The following ZNF215 variants were observed in gnomAD, a reference collection of about 807,000 sequenced individuals.
ZNF215 encodes the protein BWSCR2-associated zinc finger protein 2.
A neutral mutation model predicts 27.2 loss-of-function variants in ZNF215; 24 were observed. The ratio of observed to expected loss-of-function variants is 0.88; its 90% CI spans 0.64 to 1.24. The LOEUF (loss-of-function observed/expected upper bound fraction) is 1.24, where lower values mean the gene tolerates loss of function less well. Among genes scored for constraint, ZNF215 ranks in the 50% most tolerant of loss-of-function variants. ZNF215 has a pLI of 0.00. For missense variants in ZNF215, 675 were observed against 605.7 expected (o/e 1.11, Z -1.20); for synonymous variants, 210 against 204.0 (o/e 1.03, Z -0.25).
At chr11:6,962,149 G>GT (rs11299474), downstream of ZNF215, among the ~76,000 whole-genome samples, 371 of 151,734 alleles carry the variant, frequency 2.4e-3, 2 homozygotes, top group African/African-American at 7.9e-3. Flanking sequence ...AGTAATAAGG[G>GT]TTTTTTTTTG....
downstream of ZNF215, among the ~76,000 whole-genome samples, chr11:6,990,356 T>A (rs935359072): frequency 3.3e-5 from 5 of 152,186 alleles, no homozygotes; most frequent in South Asian, 4.1e-4. Context: ...AAAAACCTCA[T>A]CTGTTAAAGT....
Position 6,943,415 on chromosome 11 carries a change from T to C in ZNF215, c.617-131T>C. ...ATTGAGCCAGAGATACACAAGTCTA[T>C]GGTGCTCTTCTGGCCTTACCCTTCA... On this transcript the variant is annotated intron_variant, in intron 5 of 6. Transcript: ENST00000278319. 5.4e-6 allele frequency: 6 copies of C among 1,102,830 alleles called. No individual in the cohort carries two copies. The South Asian group carries it at 9.5e-5, about 17-fold the overall frequency. 68.3% of individuals were successfully genotyped at this position (1,102,830 alleles called of 1,614,324 possible).
At position 6,957,797 on chromosome 11, in the gene ZNF215, T is replaced by C; in HGVS notation, c.*1266T>C. The C allele has an allele frequency of 1.0e-6, 1 of 985,434 alleles. No homozygotes were observed. The highest frequency in any genetic ancestry group is 1.2e-6 in the Non-Finnish European group (1 of 829,926). 61.0% of individuals were successfully genotyped at this position (985,434 alleles called of 1,614,324 possible). On this transcript the variant is annotated 3_prime_UTR_variant, in exon 7 of 7. Coordinates refer to ENST00000278319, the MANE Select transcript of ZNF215 (RefSeq NM_013250.4). ...CGTCCATAGCCTTAGGTATATCATT[T>C]ATACCAGACATTATGAAGTTATTAA...
chr11:6,966,224 G>A (rs1434504256), intron 5 of ZNF215, among the ~76,000 whole-genome samples: 1 of 152,110 alleles, frequency 6.6e-6, no homozygotes, highest in Non-Finnish European at 1.5e-5. Flanking sequence ...GGATGGAGCT[G>A]GAGGCCATAA....
At chr11:6,934,698 T>A (rs1245514655) in intron 3 of ZNF215, among the ~76,000 whole-genome samples, 1 of 152,230 alleles carries the variant, frequency 6.6e-6, no homozygotes, top group Non-Finnish European at 1.5e-5. Flanking sequence ...CTTTTCAGGA[T>A]TCATGTAATT....
intron 3 of ZNF215, among the ~76,000 whole-genome samples, chr11:6,934,492 C>A (rs1849369620): frequency 6.6e-6 from 1 of 152,160 alleles, no homozygotes; most frequent in Admixed American, 6.5e-5. Flanking sequence ...ACGGGTCTCC[C>A]TCAGCTAAAA....
At chr11:6,950,242 A>G (rs1850000078) in intron 6 of ZNF215, among the ~76,000 whole-genome samples, 1 of 145,240 alleles carries the variant, frequency 6.9e-6, no homozygotes, top group South Asian at 2.1e-4. Context: ...TATGAACTTT[A>G]AAGTAGTTTT....
rs1849718089 is a variant in ZNF215 at position 6,943,767 on chromosome 11, G to T, written c.712+126G>T. ...ATAGCAAAACCTAAACTTTGAGGGG[G>T]AAAAGACATTATTCGCTTTTGTTCA... On this transcript the variant is annotated intron_variant, in intron 6 of 6. Coordinates refer to ENST00000278319, the MANE Select transcript of ZNF215 (RefSeq NM_013250.4). The T allele has an allele frequency of 7.2e-5, 55 of 764,208 alleles. 1 individual carries two copies. The South Asian group carries it at 9.5e-4, about 13-fold the overall frequency. The allele number at this position is 764,208 out of a possible 1,614,324, so 47.3% of individuals were successfully genotyped here. A position where few individuals can be genotyped will look rare whatever the true frequency, so the allele number is the denominator to read the frequency against.
chr11:6,953,095 A>G (rs6578812), intron 6 of ZNF215, among the ~76,000 whole-genome samples: 120,471 of 151,800 alleles, frequency 0.79, 47,849 homozygotes, highest in South Asian at 0.92. Context: ...AGTTTCTGCC[A>G]AGAGATCCGC....
chr11:6,988,812 A>C (rs989189935), downstream of ZNF215: 9 of 152,160 alleles, frequency 5.9e-5, no homozygotes, highest in African/African-American at 2.2e-4. Context: ...ATAACCAAAT[A>C]AATATAATAC....
At position 6,974,132 on chromosome 11, in the gene ZNF215, C is replaced by A. The variant is rs1457217738; in HGVS notation, c.806-9997C>A. 2.0e-5 allele frequency among the ~76,000 whole-genome samples: 3 copies of A among 152,090 alleles called. No individual in the cohort carries two copies. The East Asian group carries it at 5.8e-4, about 29-fold the overall frequency. On this transcript the variant is annotated intron_variant, in intron 5 of 5. Transcript: ENST00000529903. ...ACATATGGCTAGCCAGTTTTCCCAG[C>A]ACCATTTCTTAAATAGGGAATCCTT...
chr11:6,955,619 T>C (rs1564963779), intron 6 of ZNF215, 71 bp from the exon 7 acceptor site: 5 of 1,503,940 alleles, frequency 3.3e-6, no homozygotes, highest in African/African-American at 2.8e-5. Flanking sequence ...ATATACCTTA[T>C]ACAGTTCAGC....
chr11:6,977,683 G>C (rs145596367), intron 5 of ZNF215, among the ~76,000 whole-genome samples: 1 of 152,024 alleles, frequency 6.6e-6, no homozygotes, highest in African/African-American at 2.4e-5. Flanking sequence ...AACCAAACCT[G>C]CTGACACCTG....
rs1414716838 is a variant in ZNF215, at chr11:6,932,543, T to C, written c.271T>C (p.Leu91=). ...TACAAAGAAGCAGATTATAGAACTG[T>C]TGGTGCTGGAACAATTCCTGGCAAT... is the stretch of plus-strand genomic sequence containing the variant. ...IHTKKQIIEL[L]VLEQFLAILP... The change falls in exon 3 of 7, where the codon TTG becomes CTG. Residue 91 remains leucine (L), a synonymous_variant. Coordinates refer to ENST00000278319, the MANE Select transcript of ZNF215 (RefSeq NM_013250.4). The C allele has an allele frequency of 1.9e-6, 3 of 1,614,188 alleles. No individual in the cohort carries two copies. The East Asian group carries it at 6.7e-5, about 36-fold the overall frequency.
At chr11:6,953,286 T>G (rs1025075553) in intron 6 of ZNF215, among the ~76,000 whole-genome samples, 28 of 152,234 alleles carry the variant, frequency 1.8e-4, no homozygotes, top group Non-Finnish European at 7.3e-5. Context: ...TGGCCTGCCT[T>G]GCTAGATTGG....
intron 6 of ZNF215, among the ~76,000 whole-genome samples, chr11:6,946,666 G>GT (rs929839943): frequency 6.6e-6 from 1 of 151,914 alleles, no homozygotes; most frequent in Non-Finnish European, 1.5e-5. Flanking sequence ...TCCTAACTTG[G>GT]TTTTTTTCAG....
intron 5 of ZNF215, among the ~76,000 whole-genome samples, chr11:6,980,411 T>G (rs547225049): frequency 1.3e-5 from 2 of 152,170 alleles, no homozygotes; most frequent in East Asian, 1.9e-4. Flanking sequence ...TAAATTCAGT[T>G]GCAATCGTTT....
intron 2 of ZNF215, among the ~76,000 whole-genome samples, chr11:6,928,334 C>A (rs1488103946): frequency 6.6e-6 from 1 of 152,068 alleles, no homozygotes; most frequent in Non-Finnish European, 1.5e-5. Flanking sequence ...AGAAAGTTAC[C>A]TAATATCCCA....
intron 5 of ZNF215, among the ~76,000 whole-genome samples, chr11:6,977,919 A>T (rs1850864281): frequency 6.6e-6 from 1 of 152,080 alleles, no homozygotes; most frequent in Admixed American, 6.6e-5. Context: ...TTTCCAAAAC[A>T]TGAACTTTGA....
Sources: gnomAD v4.1 joint callset for allele counts (sites outside exome capture counted in the v4.1 genomes callset) on GRCh38, gnomAD v4.1.1 for gene constraint, MANE v1.5 for transcripts, NCBI Gene and HGNC (gene_info 2026-07-23, HGNC 2026-07-21) for gene names.